The following ITM2C variants were observed in gnomAD, a reference collection of about 807,000 sequenced individuals.
ITM2C encodes the protein BRICHOS domain containing 2C.
ITM2C carries 20 observed loss-of-function variants against 30.0 expected under a neutral mutation model. The ratio of observed to expected loss-of-function variants is 0.67; its 90% CI spans 0.47 to 0.97. ITM2C has a LOEUF of 0.97. ITM2C is among the 50% of genes least tolerant of loss of function. The probability of loss-of-function intolerance (pLI) is 0.00; values close to 1 mark genes in which losing one functional copy is unlikely to be tolerated. For synonymous variants in ITM2C, 167 were observed against 156.4 expected (o/e 1.07, Z -0.51); for missense variants, 366 against 371.9 (o/e 0.98, Z 0.13).
upstream of ITM2C, chr2:230,864,919 C>T (rs1696984195): frequency 1.6e-6 from 2 of 1,236,826 alleles, no homozygotes; most frequent in South Asian, 5.3e-5. This position sits in a 1 kb window ranked among gnomAD's most constrained non-coding sequence, Gnocchi z 4.3. Flanking sequence ...GAGAGGGACG[C>T]GAGCGGGATC....
At chr2:230,868,498 TGCAC>T (rs1384122476) in intron 1 of ITM2C, among the ~76,000 whole-genome samples, 1 of 146,990 alleles carries the variant, frequency 6.8e-6, no homozygotes, top group Non-Finnish European at 1.5e-5. Context: ...TGCACACACA[TGCAC>T]GCACAGATGT....
chr2:230,876,703 G>C (rs112795973), intron 3 of ITM2C, among the ~76,000 whole-genome samples, 154 bp from the exon 4 acceptor site: 174 of 152,022 alleles, frequency 1.1e-3, no homozygotes, highest in African/African-American at 3.9e-3. Flanking sequence ...GGATGGTCTC[G>C]ATCTCCTGAC....
At chr2:230,870,764 C>T (rs1034801623) in intron 1 of ITM2C, among the ~76,000 whole-genome samples, 7 of 152,214 alleles carry the variant, frequency 4.6e-5, no homozygotes, top group Admixed American at 2.6e-4. Flanking sequence ...GGCGGAAAGG[C>T]GGAAAGGCGA....
In ITM2C at chr2:230,879,185, T is replaced by C. The variant is rs1450636289; in HGVS notation, c.*1086T>C. Reference sequence around the variant, plus strand: ...GGATGAAACTCTTAAATGCTTTGTATATTTTCTCAATTAGATCTCTTTTCA... The same window carrying C: ...GGATGAAACTCTTAAATGCTTTGTACATTTTCTCAATTAGATCTCTTTTCA... On this transcript the variant is annotated 3_prime_UTR_variant, in exon 6 of 6. Coordinates refer to ENST00000326427, the MANE Select transcript of ITM2C (RefSeq NM_030926.6). The C allele has an allele frequency of 6.5e-6, 1 of 152,678 alleles. No individual in the cohort carries two copies. The highest frequency in any genetic ancestry group is 1.9e-4 in the East Asian group (1 of 5,198). The allele number at this position is 152,678 out of a possible 1,614,324, so 9.5% of individuals were successfully genotyped here.
intron 2 of ITM2C, 41 bp downstream of exon 2, chr2:230,873,598 G>A (rs376600439): frequency 8.9e-6 from 14 of 1,570,050 alleles, no homozygotes; most frequent in Non-Finnish European, 1.2e-5. Flanking sequence ...CTCGAGAAAG[G>A]GTCATGTCTA....
Position 230,877,024 on chromosome 2 carries a change from C to A in ITM2C, c.561+57C>A. On this transcript the variant is annotated intron_variant, in intron 4 of 5. Coordinates refer to ENST00000326427, the MANE Select transcript of ITM2C (RefSeq NM_030926.6). This position sits in a 1 kb window ranked among gnomAD's most constrained non-coding sequence, Gnocchi z 4.8. ...ATCCTGTCCCTCCCTTGCCCCCTGT[C>A]TCATGGAGGCTAGGTCTGAGGTACA... is the stretch of plus-strand genomic sequence containing the variant. 1 of 1,179,982 alleles carries A rather than the reference C, an allele frequency of 8.5e-7. No homozygotes were observed. The highest frequency in any genetic ancestry group is 1.3e-6 in the Non-Finnish European group (1 of 789,264). The allele number at this position is 1,179,982 out of a possible 1,614,324, so 73.1% of individuals were successfully genotyped here.
At chr2:230,874,839 T>G (rs1697251163) in intron 2 of ITM2C, among the ~76,000 whole-genome samples, 2 of 152,062 alleles carry the variant, frequency 1.3e-5, no homozygotes, top group African/African-American at 4.8e-5. Context: ...GCCATTCAGT[T>G]GATGGGATCA....
chr2:230,868,625 C>T (rs1697090650), intron 1 of ITM2C, among the ~76,000 whole-genome samples: 1 of 152,216 alleles, frequency 6.6e-6, no homozygotes, highest in Admixed American at 6.5e-5. Flanking sequence ...ATTAATGGTC[C>T]TGTGTCACCC....
At chr2:230,870,846 G>A (rs1211288336) in intron 1 of ITM2C, among the ~76,000 whole-genome samples, 1 of 151,980 alleles carries the variant, frequency 6.6e-6, no homozygotes, top group Non-Finnish European at 1.5e-5. Context: ...AGGCCCTCGG[G>A]CTCTCCCACG....
chr2:230,873,463 G>A lies in ITM2C; in HGVS notation c.167G>A (p.Gly56Asp), dbSNP rs539153607. 3.9e-5 allele frequency: 63 copies of A among 1,609,474 alleles called. 1 individual carries two copies. In the South Asian group the frequency reaches 6.7e-4, roughly 17 times the overall value. Reference protein sequence around the residue: ...QHRSKRGGSVGGVCYLSMGMV... With the variant: ...QHRSKRGGSVDGVCYLSMGMV... ...CGATCCAAGAGGGGGGGCTCAGTGG[G>A]CGGCGTGTGCTACCTGTCGATGGGC... Residue 56 changes from glycine (G) to aspartate (D), a missense_variant, in exon 2 of 6, where the codon GGC becomes GAC. Transcript: ENST00000326427.
At chr2:230,864,477 G>C (rs538376982), upstream of ITM2C, among the ~76,000 whole-genome samples, 649 of 152,330 alleles carry the variant, frequency 4.3e-3, 3 homozygotes, top group African/African-American at 0.015. The surrounding 1 kb of genome is among the most constrained non-coding windows in gnomAD (Gnocchi z 4.3). Flanking sequence ...GGACAGGTCG[G>C]AGGAGGGGGG....
rs139329073 is a variant in ITM2C, at chr2:230,873,430, C to T, written c.134C>T (p.Pro45Leu). The T allele has an allele frequency of 6.3e-7, 1 of 1,593,940 alleles. No individual in the cohort carries two copies. The highest frequency in any genetic ancestry group is 8.5e-7 in the Non-Finnish European group (1 of 1,170,380). ...TGCTATCCACAGGAGGAGCAGCCCC[C>T]ACAACATCGATCCAAGAGGGGGGGC... ...LLTPAREEQP[P>L]QHRSKRGGSV... is the part of the protein sequence containing the mutation. Residue 45 changes from proline (P) to leucine (L), a missense_variant, in exon 2 of 6, where the codon CCA becomes CTA. By Grantham distance (98) the Pro-to-Leu change is moderately conservative. Coordinates refer to ENST00000326427, the MANE Select transcript of ITM2C (RefSeq NM_030926.6).
Position 230,877,304 on chromosome 2 carries a change from G to A in ITM2C, c.562-96G>A. The A allele has an allele frequency of 1.5e-6, 2 of 1,293,546 alleles. No individual in the cohort carries two copies. The highest frequency in any genetic ancestry group is 2.3e-5 in the East Asian group (1 of 42,986). The allele number at this position is 1,293,546 out of a possible 1,614,324, so 80.1% of individuals were successfully genotyped here. On this transcript the variant is annotated intron_variant, in intron 4 of 5. Transcript: ENST00000326427. This position sits in a 1 kb window ranked among gnomAD's most constrained non-coding sequence, Gnocchi z 4.8. ...AGGACATCAGAAGGGCCAGCCCAGG[G>A]GCCTCTGGAGGAGGGAGGTGGGCTG...
At chr2:230,864,935 T>A, upstream of ITM2C, 1 of 1,280,852 alleles carries the variant, frequency 7.8e-7, no homozygotes, top group Non-Finnish European at 1.0e-6. The surrounding 1 kb of genome is among the most constrained non-coding windows in gnomAD (Gnocchi z 4.3). Context: ...GGATCCAAAC[T>A]TCCGGTGCCT....
In ITM2C at chr2:230,873,604, G is replaced by C. The variant is rs759574390; in HGVS notation, c.261+47G>C. 9.8e-6 allele frequency: 15 copies of C among 1,535,856 alleles called. No homozygotes were observed. The South Asian group carries it at 1.8e-4, about 19-fold the overall frequency. ...GGGCAAGGCCTCGAGAAAGGGTCAT[G>C]TCTAGAGAGGCATGGAGGGAAGTGT... On this transcript the variant is annotated intron_variant, in intron 2 of 5. Transcript: ENST00000326427.
chr2:230,874,586 T>C (rs1697243745), intron 2 of ITM2C, among the ~76,000 whole-genome samples: 3 of 152,206 alleles, frequency 2.0e-5, no homozygotes, highest in African/African-American at 7.2e-5. Context: ...CCTGGGACAG[T>C]ATTCGGGGTG....
chr2:230,876,789 T>G (rs947224561), intron 3 of ITM2C, 68 bp from the exon 4 acceptor site: 23 of 1,110,442 alleles, frequency 2.1e-5, no homozygotes, highest in Non-Finnish European at 3.0e-5. Flanking sequence ...TGGCCAAAGC[T>G]TCTTGCAGCC....
chr2:230,872,941 G>A (rs746505930), intron 1 of ITM2C, among the ~76,000 whole-genome samples: 13 of 152,038 alleles, frequency 8.6e-5, no homozygotes, highest in Non-Finnish European at 1.8e-4. Context: ...AAGCCTTCCC[G>A]GGCTCCCCAT....
chr2:230,864,826 C>A (rs1696981682), upstream of ITM2C: 2 of 474,792 alleles, frequency 4.2e-6, no homozygotes, highest in Non-Finnish European at 6.2e-6. This position sits in a 1 kb window ranked among gnomAD's most constrained non-coding sequence, Gnocchi z 4.3. Flanking sequence ...GCGGGCCCCG[C>A]GGGCGGGAAG....
Sources: gnomAD v4.1 joint callset for allele counts (sites outside exome capture counted in the v4.1 genomes callset) on GRCh38, gnomAD v4.1.1 for gene constraint, Gnocchi (gnomAD v3.1) non-coding constraint, MANE v1.5 for transcripts, NCBI Gene and HGNC (gene_info 2026-07-23, HGNC 2026-07-21) for gene names.